Variants in SATB1 observed in about 807,000 individuals in gnomAD.
SATB1 encodes SATB homeobox 1.
Under a neutral mutation model 86.9 loss-of-function variants are expected in SATB1, and 11 were observed. That is an observed-to-expected ratio of 0.13 (90% CI 0.08 to 0.21). The LOEUF is 0.21. Ranked by LOEUF, SATB1 falls within the 10% of genes least tolerant of loss-of-function variation. The pLI, the probability that SATB1 is intolerant of heterozygous loss-of-function variation, is 1.00. For missense variants in SATB1, 551 were observed against 937.6 expected (o/e 0.59, Z 5.39); for synonymous variants, 357 against 357.2 (o/e 1.00, Z 0.01).
At chr3:18,432,176 G>A (rs1158546380) in intron 2 of SATB1, among the ~76,000 whole-genome samples, 1 of 152,082 alleles carries the variant, frequency 6.6e-6, no homozygotes, top group Non-Finnish European at 1.5e-5. Context: ...CAGAACCAAA[G>A]TATTTAGACT....
At chr3:18,393,029 C>G (rs982267920) in intron 7 of SATB1, among the ~76,000 whole-genome samples, 4 of 150,660 alleles carry the variant, frequency 2.7e-5, no homozygotes, top group African/African-American at 9.8e-5. Context: ...GAGGCTTTGT[C>G]AGGTCTCCTA....
chr3:18,416,098 G>C lies in SATB1; in HGVS notation c.424C>G (p.Leu142Val). 22 of 1,610,742 alleles carry C rather than the reference G, an allele frequency of 1.4e-5. No homozygotes were observed. Among genetic ancestry groups the C allele is most frequent in the Non-Finnish European group, 1.9e-5 (22 of 1,177,896 alleles). The part of the protein sequence containing the change: ...IQVGKWNPVP[L>V]SYVTDAPDAT... ...TCAGGGGCATCTGTCACGTAAGACA[G>C]TGGAACTGGATTCCACTTTCCAACC... is the stretch of plus-strand genomic sequence containing the variant. The change falls in exon 4 of 11, where the codon CTG (leucine) becomes GTG (valine). Residue 142 changes from leucine (L) to valine (V), a missense_variant. Coordinates refer to ENST00000338745, the MANE Select transcript of SATB1 (RefSeq NM_002971.6).
At chr3:18,441,823 C>T (rs73040360), upstream of SATB1, among the ~76,000 whole-genome samples, 18,941 of 152,106 alleles carry the variant, frequency 0.12, 1,436 homozygotes, top group East Asian at 0.2. Flanking sequence ...TTAGTCTTTA[C>T]TAAGTTAATG....
chr3:18,438,486 C>T (rs1699144201), intron 1 of SATB1: 1 of 152,230 alleles, frequency 6.6e-6, no homozygotes, highest in African/African-American at 2.4e-5. Context: ...CTCCCCCGAA[C>T]ACTCAATGCC....
intron 5 of SATB1, among the ~76,000 whole-genome samples, chr3:18,405,638 T>C (rs1697492638): frequency 6.6e-6 from 1 of 151,952 alleles, no homozygotes; most frequent in African/African-American, 2.4e-5. Context: ...TTTAGCTCTT[T>C]ACAGGGCCAC....
At chr3:18,403,221 G>A (rs1697358218) in intron 5 of SATB1, among the ~76,000 whole-genome samples, 1 of 152,060 alleles carries the variant, frequency 6.6e-6, no homozygotes, top group African/African-American at 2.4e-5. Context: ...AATCAGGAGC[G>A]TGCAAAATGT....
chr3:18,345,399 A>G lies in SATB1; in HGVS notation c.*3771T>C, dbSNP rs927044784. ...ATCTTTTAAACATTAATTTCAAACTATTTTTATTTAACATTTGGTATTGTT... is the reference window on the plus strand; with the variant it reads ...ATCTTTTAAACATTAATTTCAAACTGTTTTTATTTAACATTTGGTATTGTT... On this transcript the variant is annotated 3_prime_UTR_variant, in exon 11 of 11. Transcript: ENST00000338745. 6.6e-6 allele frequency: 1 copy of G among 152,090 alleles called. No individual in the cohort carries two copies. Among genetic ancestry groups the G allele is most frequent in the East Asian group, 1.9e-4 (1 of 5,198 alleles). 9.4% of individuals were successfully genotyped at this position (152,090 alleles called of 1,614,324 possible).
chr3:18,364,834 G>A (rs1695100762), intron 9 of SATB1, among the ~76,000 whole-genome samples: 1 of 151,616 alleles, frequency 6.6e-6, no homozygotes, highest in African/African-American at 2.4e-5. Context: ...ATGGATTTGT[G>A]AAACAAATTT....
At chr3:18,430,835 G>T (rs1451561088) in intron 2 of SATB1, among the ~76,000 whole-genome samples, 1 of 152,184 alleles carries the variant, frequency 6.6e-6, no homozygotes, top group Non-Finnish European at 1.5e-5. Context: ...ATACAGAGTG[G>T]TAATTCATGA....
chr3:18,394,902 G>C lies in SATB1; in HGVS notation c.766C>G (p.Leu256Val), dbSNP rs1453655960. The change falls in exon 7 of 11, where the codon CTT (leucine) becomes GTT (valine). Residue 256 changes from leucine to valine, a missense_variant. This residue lies in a region of SATB1 where 119 missense variants were observed against 171.1 expected (regional missense o/e 0.70). Coordinates refer to ENST00000338745, the MANE Select transcript of SATB1 (RefSeq NM_002971.6). The surrounding 1 kb of genome is among the most constrained non-coding windows in gnomAD (Gnocchi z 5.9). ...GCGCCTTGCTGGGATAGCTCAGAAA[G>C]ACTATCCATTTCAACTAAAGTGGAC... is the stretch of plus-strand genomic sequence containing the variant. ...TKDMMVEMDS[L>V]SELSQQGANH... 6.3e-7 allele frequency: 1 copy of C among 1,592,890 alleles called. No individual in the cohort carries two copies. Among genetic ancestry groups the C allele is most frequent in the South Asian group, 1.1e-5 (1 of 89,654 alleles).
intron 8 of SATB1, among the ~76,000 whole-genome samples, chr3:18,382,243 TAATTACATAAAGAGATGTAAAAAATGAAG>T (rs1258541038): frequency 1.3e-5 from 2 of 152,112 alleles, no homozygotes; most frequent in East Asian, 1.9e-4. Flanking sequence ...ATTCTTTAGG[TAATTACATAAAGAGATGTAAAAAATGAAG>T]AATTACATAA....
At position 18,346,800 on chromosome 3, in the gene SATB1, A is replaced by ACT. The variant is rs1282195111; in HGVS notation, c.*2368_*2369dup. 1 of 152,150 alleles carries ACT rather than the reference A, an allele frequency of 6.6e-6. No individual in the cohort carries two copies. Among genetic ancestry groups the ACT allele is most frequent in the Non-Finnish European group, 1.5e-5 (1 of 68,006 alleles). 9.4% of individuals were successfully genotyped at this position (152,150 alleles called of 1,614,324 possible). ...AATTGGAAAGTTATTTGCAACCCAA[A>ACT]CTTAGGGGATATAAGGAAGAGGAAG... On this transcript the variant is annotated 3_prime_UTR_variant, in exon 11 of 11. Coordinates refer to ENST00000338745, the MANE Select transcript of SATB1 (RefSeq NM_002971.6).
chr3:18,386,091 A>G lies in SATB1; in HGVS notation c.1419+308T>C, dbSNP rs1254699056. ...AAAAAACTGACTTTATTCTTTTTCT[A>G]TTGAGTTTAAAATACTTTACTTAAT... On this transcript the variant is annotated intron_variant, in intron 8 of 10. Coordinates refer to ENST00000338745, the MANE Select transcript of SATB1 (RefSeq NM_002971.6). The surrounding 1 kb of genome is among the most constrained non-coding windows in gnomAD (Gnocchi z 4.5). Among the ~76,000 whole-genome samples, 1 of 152,136 alleles carries G rather than the reference A, an allele frequency of 6.6e-6. No individual in the cohort carries two copies. Among genetic ancestry groups the G allele is most frequent in the Admixed American group, 6.5e-5 (1 of 15,282 alleles).
intron 9 of SATB1, among the ~76,000 whole-genome samples, chr3:18,376,506 T>C (rs1262188612): frequency 6.8e-6 from 1 of 147,216 alleles, no homozygotes; most frequent in Non-Finnish European, 1.5e-5. Context: ...AGATAATATA[T>C]ATTTAAATAT....
At chr3:18,387,687 C>A (rs1696415149) in intron 7 of SATB1, among the ~76,000 whole-genome samples, 1 of 152,074 alleles carries the variant, frequency 6.6e-6, no homozygotes, top group Non-Finnish European at 1.5e-5. Context: ...TATTTGGTTT[C>A]TTCACTTAGC....
intron 9 of SATB1, among the ~76,000 whole-genome samples, chr3:18,361,595 T>A (rs773144624): frequency 2.6e-5 from 4 of 152,148 alleles, no homozygotes; most frequent in Non-Finnish European, 5.9e-5. Flanking sequence ...AAGCATAAAT[T>A]GGTATAGTCT....
rs774776247 is a variant in SATB1 at position 18,349,525 on chromosome 3, C to T, written c.1937G>A (p.Arg646Gln). The T allele has an allele frequency of 3.7e-6, 6 of 1,614,060 alleles. No individual in the cohort carries two copies. Among genetic ancestry groups the T allele is most frequent in the East Asian group, 2.2e-5 (1 of 44,876 alleles). ...ESDEENRQKT[R>Q]PRTKISVEAL... Reference sequence around the variant, plus strand: ...TTCCACTGAAATTTTTGTTCGTGGCCGGGTCTTCTGTCGGTTTTCCTCATC... The same window carrying T: ...TTCCACTGAAATTTTTGTTCGTGGCTGGGTCTTCTGTCGGTTTTCCTCATC... Residue 646 changes from arginine to glutamine, a missense_variant, in exon 11 of 11, where the codon CGG (arginine) becomes CAG (glutamine). By Grantham distance (43) the Arg-to-Gln change is conservative. Transcript: ENST00000338745. The surrounding 1 kb of genome is among the most constrained non-coding windows in gnomAD (Gnocchi z 5.5).
At chr3:18,398,365 A>T (rs1697069941) in intron 5 of SATB1, among the ~76,000 whole-genome samples, 1 of 152,102 alleles carries the variant, frequency 6.6e-6, no homozygotes, top group Non-Finnish European at 1.5e-5. Context: ...TGTAGCACCA[A>T]TCTATCCCTC....
intron 8 of SATB1, among the ~76,000 whole-genome samples, chr3:18,380,694 G>A (rs1696009209): frequency 1.3e-5 from 2 of 151,630 alleles, no homozygotes; most frequent in African/African-American, 4.8e-5. Flanking sequence ...TCTTATCATA[G>A]ATAAGCTATT....
Sources: allele counts gnomAD v4.1 joint callset (sites outside exome capture counted in the v4.1 genomes callset), GRCh38; gene constraint gnomAD v4.1.1; regional missense constraint gnomAD v4.1.1; non-coding constraint Gnocchi (gnomAD v3.1); transcripts MANE v1.5; gene names NCBI Gene and HGNC (gene_info 2026-07-23, HGNC 2026-07-21).